Variants in UGT2B7 observed in about 807,000 individuals in gnomAD.
The protein encoded by UGT2B7 is UDP-glucuronosyltransferase 2B7.
Under a neutral mutation model 51.9 loss-of-function variants are expected in UGT2B7, and 51 were observed. The ratio of observed to expected loss-of-function variants is 0.98; its 90% CI spans 0.78 to 1.24. UGT2B7 has a LOEUF of 1.24. Among genes scored for constraint, UGT2B7 ranks in the 50% most tolerant of loss-of-function variants. The pLI is 0.00. For missense variants in UGT2B7, 727 were observed against 628.4 expected (o/e 1.16, Z -1.68); for synonymous variants, 225 against 211.6 (o/e 1.06, Z -0.55).
At chr4:69,089,095 T>G (rs1719027976) in intron 1 of UGT2B7, among the ~76,000 whole-genome samples, 2 of 152,290 alleles carry the variant, frequency 1.3e-5, no homozygotes, top group South Asian at 2.1e-4. Flanking sequence ...AGCTCTATTT[T>G]TGTGTGGGAA....
At chr4:69,064,245 A>T (rs1718440004) in intron 1 of UGT2B7, among the ~76,000 whole-genome samples, 1 of 152,200 alleles carries the variant, frequency 6.6e-6, no homozygotes, top group African/African-American at 2.4e-5. Flanking sequence ...ACTACTGTCT[A>T]AAAAGCCAGG....
intron 1 of UGT2B7, among the ~76,000 whole-genome samples, chr4:69,077,554 T>G (rs1577913355): frequency 6.6e-6 from 1 of 150,868 alleles, no homozygotes; most frequent in East Asian, 2.0e-4. Flanking sequence ...CAATTGGGAA[T>G]GGGAGTTCAC....
intron 1 of UGT2B7, among the ~76,000 whole-genome samples, chr4:69,073,171 C>G (rs1233011454): frequency 6.6e-6 from 1 of 152,122 alleles, no homozygotes; most frequent in African/African-American, 2.4e-5. Context: ...CATGAATACC[C>G]TTAGCCTATC....
At chr4:69,102,974 T>C (rs759549671) in intron 3 of UGT2B7, 36 bp downstream of exon 3, 7 of 1,592,630 alleles carry the variant, frequency 4.4e-6, no homozygotes, top group Non-Finnish European at 6.0e-6. Flanking sequence ...GGAAAACTAC[T>C]GAAAGAGGCT....
At chr4:69,081,220 T>C (rs1366443539) in intron 1 of UGT2B7, among the ~76,000 whole-genome samples, 2 of 152,182 alleles carry the variant, frequency 1.3e-5, no homozygotes, top group Non-Finnish European at 2.9e-5. Context: ...ACCATATCAG[T>C]GTCTTTGTTG....
chr4:69,098,309 A>G (rs1392998300), intron 1 of UGT2B7, among the ~76,000 whole-genome samples: 2 of 152,060 alleles, frequency 1.3e-5, no homozygotes, highest in Non-Finnish European at 2.9e-5. Flanking sequence ...GACATTAGAG[A>G]TGTAGCTTAA....
upstream of UGT2B7, among the ~76,000 whole-genome samples, chr4:69,094,777 T>G (rs927860579): frequency 6.6e-6 from 1 of 152,346 alleles, no homozygotes; most frequent in East Asian, 1.9e-4. Flanking sequence ...TGCTGTCAGA[T>G]AGCATTTTAC....
chr4:69,104,102 C>G (rs749960047), intron 3 of UGT2B7, among the ~76,000 whole-genome samples: 4 of 152,086 alleles, frequency 2.6e-5, no homozygotes, highest in Non-Finnish European at 5.9e-5. Flanking sequence ...GCTTGGCCAA[C>G]ATGGTGAAAC....
chr4:69,098,102 C>G (rs1719299945), intron 1 of UGT2B7, among the ~76,000 whole-genome samples: 1 of 151,954 alleles, frequency 6.6e-6, no homozygotes, highest in South Asian at 2.1e-4. Flanking sequence ...AAAGAATTAG[C>G]TTAATGAGTT....
intron 1 of UGT2B7, 94 bp from the exon 2 acceptor site, chr4:69,098,446 T>A: frequency 7.0e-7 from 1 of 1,433,558 alleles, no homozygotes; most frequent in Non-Finnish European, 9.4e-7. Flanking sequence ...GATATTTGCC[T>A]ACATTTTTGC....
intron 5 of UGT2B7, among the ~76,000 whole-genome samples, chr4:69,112,176 T>A (rs2109897267): frequency 6.6e-6 from 1 of 152,250 alleles, no homozygotes; most frequent in South Asian, 2.1e-4. Flanking sequence ...ATTGTAAAAA[T>A]CCCTGTCCTG....
intron 1 of UGT2B7, among the ~76,000 whole-genome samples, chr4:69,079,613 T>C (rs1718790756): frequency 2.6e-5 from 4 of 152,194 alleles, no homozygotes; most frequent in Admixed American, 2.6e-4. Context: ...TTACCTAGCT[T>C]CAGCCTTCCA....
chr4:69,099,448 A>G (rs1424773209), intron 2 of UGT2B7, among the ~76,000 whole-genome samples: 1 of 151,976 alleles, frequency 6.6e-6, no homozygotes, highest in African/African-American at 2.4e-5. Context: ...AAATAAAAAT[A>G]TATGAAAAGA....
At chr4:69,051,852 T>C (rs1444585701) in intron 1 of UGT2B7, among the ~76,000 whole-genome samples, 1 of 152,226 alleles carries the variant, frequency 6.6e-6, no homozygotes, top group Non-Finnish European at 1.5e-5. Flanking sequence ...GTTTCGGTTT[T>C]TGGCCTGGCT....
At chr4:69,078,415 T>C (rs1468252092) in intron 1 of UGT2B7, among the ~76,000 whole-genome samples, 4 of 152,184 alleles carry the variant, frequency 2.6e-5, no homozygotes, top group Non-Finnish European at 1.5e-5. Flanking sequence ...CAGCTGTGAA[T>C]CCATCTGGTC....
At chr4:69,070,232 A>G (rs1000352662) in intron 1 of UGT2B7, among the ~76,000 whole-genome samples, 25 of 147,546 alleles carry the variant, frequency 1.7e-4, no homozygotes, top group Admixed American at 1.6e-3. Context: ...ATATATTTAT[A>G]TAATATATCA....
chr4:69,090,685 T>C (rs569869506), intron 2 of UGT2B7, among the ~76,000 whole-genome samples: 152 of 152,172 alleles, frequency 1.0e-3, no homozygotes, highest in African/African-American at 3.6e-3. Flanking sequence ...TACTTCAAGA[T>C]GAGATTTTGG....
chr4:69,066,085 G>A (rs1718477815), intron 1 of UGT2B7, among the ~76,000 whole-genome samples: 1 of 152,130 alleles, frequency 6.6e-6, no homozygotes, highest in Non-Finnish European at 1.5e-5. Flanking sequence ...CATAGGGAAG[G>A]CATTTGACTA....
At chr4:69,070,672 A>G (rs1718581677) in intron 1 of UGT2B7, among the ~76,000 whole-genome samples, 1 of 152,132 alleles carries the variant, frequency 6.6e-6, no homozygotes, top group South Asian at 2.1e-4. Context: ...ATAGAAAATT[A>G]CATAAAAATT....
Sources: allele counts gnomAD v4.1 joint callset (sites outside exome capture counted in the v4.1 genomes callset), GRCh38; gene constraint gnomAD v4.1.1; transcripts MANE v1.5; gene names NCBI Gene and HGNC (gene_info 2026-07-23, HGNC 2026-07-21).